AFAP1: variants seen among roughly 807,000 people sequenced by gnomAD.
AFAP1 encodes actin filament-associated protein 1.
In AFAP1, 75 loss-of-function variants were observed where a neutral mutation model predicts 93.9. The ratio of observed to expected loss-of-function variants is 0.80; its 90% CI spans 0.66 to 0.97. The LOEUF is 0.97. AFAP1 is among the 50% of genes least tolerant of loss of function. The pLI, the probability that AFAP1 is intolerant of heterozygous loss-of-function variation, is 0.00. For missense variants in AFAP1, 1,201 were observed against 1,050.8 expected (o/e 1.14, Z -1.98); for synonymous variants, 517 against 430.7 (o/e 1.20, Z -2.48).
chr4:7,800,679 A>G, intron 9 of AFAP1, 26 bp from the exon 10 acceptor site: 1 of 1,613,726 alleles, frequency 6.2e-7, no homozygotes, highest in Non-Finnish European at 8.5e-7. Flanking sequence ...GCCACAGGTC[A>G]GCCGCCTCGG....
chr4:7,783,275 G>C (rs552672403), intron 12 of AFAP1, among the ~76,000 whole-genome samples: 1 of 152,128 alleles, frequency 6.6e-6, no homozygotes, highest in South Asian at 2.1e-4. Flanking sequence ...GAGTAGCTAG[G>C]ATTACAGATA....
intron 6 of AFAP1, among the ~76,000 whole-genome samples, chr4:7,832,110 A>C (rs1212843720): frequency 2.6e-5 from 4 of 152,200 alleles, no homozygotes; most frequent in African/African-American, 9.7e-5. Flanking sequence ...CAATGATGGC[A>C]GAGAAGTCCC....
chr4:7,822,348 G>A (rs1224011539), intron 6 of AFAP1, among the ~76,000 whole-genome samples: 3 of 152,012 alleles, frequency 2.0e-5, no homozygotes, highest in African/African-American at 7.3e-5. Context: ...CAAATGTGAA[G>A]TATCCAGCCC....
At chr4:7,897,696 G>A (rs1365299312) in intron 1 of AFAP1, among the ~76,000 whole-genome samples, 2 of 151,980 alleles carry the variant, frequency 1.3e-5, no homozygotes, top group Non-Finnish European at 2.9e-5. Context: ...ACTAGTTTTT[G>A]TATTTTTAGT....
At chr4:7,809,475 A>T in intron 9 of AFAP1, 139 bp downstream of exon 9, 1 of 993,760 alleles carries the variant, frequency 1.0e-6, no homozygotes, top group African/African-American at 1.6e-5. Flanking sequence ...TACATTTCCC[A>T]CTATCTGAAT....
In AFAP1 at chr4:7,768,907, C is replaced by T. The variant is rs770979676; in HGVS notation, c.2355G>A (p.Leu785=). ...TGCCCGGGGCAGCCTGGCTCTTCTT[C>T]AAGACGGCCGCGCTGTTCACCGGCA... ...GPVPVNSAAV[L]KKSQAAPGSS... Residue 785 remains leucine (L), a synonymous_variant, in exon 17 of 18, where the codon TTG becomes TTA. Transcript: ENST00000420658. 5.6e-6 allele frequency: 9 copies of T among 1,612,724 alleles called. No homozygotes were observed. The highest frequency in any genetic ancestry group is 7.6e-6 in the Non-Finnish European group (9 of 1,179,182).
intron 16 of AFAP1, 88 bp downstream of exon 16, chr4:7,772,732 A>C: frequency 1.5e-6 from 2 of 1,325,982 alleles, no homozygotes; most frequent in African/African-American, 1.5e-5. Context: ...GCTACGCCCC[A>C]GAGCCACTCC....
intron 6 of AFAP1, among the ~76,000 whole-genome samples, chr4:7,828,972 G>A (rs1421019926): frequency 6.6e-6 from 1 of 152,186 alleles, no homozygotes; most frequent in African/African-American, 2.4e-5. Flanking sequence ...TGAATCATGG[G>A]GGCGGTTACC....
At chr4:7,792,909 C>G (rs753029357) in intron 11 of AFAP1, among the ~76,000 whole-genome samples, 1 of 152,172 alleles carries the variant, frequency 6.6e-6, no homozygotes, top group African/African-American at 2.4e-5. Flanking sequence ...ATTATTCATA[C>G]GGCGAAGGGC....
chr4:7,899,881 T>TAAATAAATAAATAAATAAATAAATAAA (rs1282881019), intron 1 of AFAP1, among the ~76,000 whole-genome samples: 8 of 151,582 alleles, frequency 5.3e-5, no homozygotes, highest in African/African-American at 1.9e-4. Flanking sequence ...AATAAATAAA[T>TAAATAAATAAATAAATAAATAAATAAA]AAAAAAGGAA....
intron 1 of AFAP1, among the ~76,000 whole-genome samples, chr4:7,934,516 C>T (rs935149766): frequency 6.6e-6 from 1 of 152,150 alleles, no homozygotes; most frequent in African/African-American, 2.4e-5. Context: ...CTTCGAGGAC[C>T]AGGGCCGGGT....
At chr4:7,936,285 A>G (rs964181221) in intron 1 of AFAP1, among the ~76,000 whole-genome samples, 4 of 152,154 alleles carry the variant, frequency 2.6e-5, no homozygotes, top group African/African-American at 7.2e-5. Context: ...CAAACAGATA[A>G]ATTGGAAAGG....
At chr4:7,933,408 A>G (rs2149246798) in intron 1 of AFAP1, among the ~76,000 whole-genome samples, 1 of 152,180 alleles carries the variant, frequency 6.6e-6, no homozygotes, top group Admixed American at 6.5e-5. Context: ...CCCCATCTCT[A>G]CTAAAAATAC....
chr4:7,856,556 C>G (rs1346763595), intron 3 of AFAP1, among the ~76,000 whole-genome samples: 1 of 152,162 alleles, frequency 6.6e-6, no homozygotes, highest in Non-Finnish European at 1.5e-5. Flanking sequence ...AATTTTTTAA[C>G]AAACTCAGAG....
Position 7,840,360 on chromosome 4 carries a change from C to G in AFAP1, c.547-1657G>C, listed in dbSNP as rs142539922. ...ATGAAGTCTCTCTCCGGTGCCCAGG[C>G]TGAAGTTCAGTGGCACGATCTTGGC... On this transcript the variant is annotated intron_variant, in intron 5 of 17. Transcript: ENST00000420658. Among the ~76,000 whole-genome samples, 109 of 150,748 alleles carry G rather than the reference C, an allele frequency of 7.2e-4. 1 individual carries two copies. The highest frequency in any genetic ancestry group is 2.6e-3 in the African/African-American group (105 of 40,854).
At chr4:7,788,665 A>C (rs1386148312) in intron 11 of AFAP1, 1 of 152,250 alleles carries the variant, frequency 6.6e-6, no homozygotes, top group African/African-American at 2.4e-5. Context: ...TTTTTAAAAA[A>C]TACATATTTA....
In AFAP1 at chr4:7,778,850, C is replaced by T. The variant is rs146414850; in HGVS notation, c.1809G>A (p.Ala603=). ...TCCCTTTTCCTGTGACCCCATTAGA[C>T]GCCACGGGGGGCTTTTTACCCTTGA... The part of the protein sequence containing the change: ...SQLKGKKPPV[A]SNGVTGKGKT... Residue 603 remains alanine (A), a synonymous_variant, in exon 14 of 18, where the codon GCG becomes GCA. Coordinates refer to ENST00000420658, the MANE Select transcript of AFAP1 (RefSeq NM_001134647.2). 1.9e-4 allele frequency: 302 copies of T among 1,613,906 alleles called. No individual in the cohort carries two copies. The highest frequency in any genetic ancestry group is 5.5e-4 in the Admixed American group (33 of 60,022).
intron 17 of AFAP1, among the ~76,000 whole-genome samples, chr4:7,768,495 G>A (rs534796035): frequency 3.3e-5 from 5 of 152,294 alleles, no homozygotes; most frequent in Admixed American, 1.3e-4. Context: ...GAGTGCTGAA[G>A]AGGACTTCAG....
chr4:7,815,088 A>G (rs1289752935), intron 8 of AFAP1, among the ~76,000 whole-genome samples: 1 of 152,262 alleles, frequency 6.6e-6, no homozygotes, highest in African/African-American at 2.4e-5. Context: ...AAAGGAAAGA[A>G]ATTCTGACAC....
Sources: allele counts gnomAD v4.1 joint callset (sites outside exome capture counted in the v4.1 genomes callset), GRCh38; gene constraint gnomAD v4.1.1; transcripts MANE v1.5; gene names NCBI Gene and HGNC (gene_info 2026-07-23, HGNC 2026-07-21).